GRIN2A: variants seen among roughly 807,000 people sequenced by gnomAD.
The protein encoded by GRIN2A is glutamate receptor ionotropic, NMDA 2A.
GRIN2A carries 22 observed loss-of-function variants against 113.4 expected under a neutral mutation model. That is an observed-to-expected ratio of 0.19 (90% confidence interval 0.14 to 0.28). GRIN2A has a LOEUF of 0.28. Among genes scored for constraint, GRIN2A ranks in the 10% least tolerant of loss-of-function variants. The pLI, the probability that GRIN2A is intolerant of heterozygous loss-of-function variation, is 1.00. For synonymous variants in GRIN2A, 827 were observed against 738.4 expected (o/e 1.12, Z -1.94); for missense variants, 1,502 against 1,887.0 (o/e 0.80, Z 3.78).
At chr16:9,886,581 C>A (rs2043590493) in intron 4 of GRIN2A, among the ~76,000 whole-genome samples, 1 of 152,180 alleles carries the variant, frequency 6.6e-6, no homozygotes, top group Non-Finnish European at 1.5e-5. Flanking sequence ...TCTCCATATA[C>A]ACACTAAGAT....
intron 2 of GRIN2A, among the ~76,000 whole-genome samples, chr16:10,044,136 C>A (rs913215763): frequency 2.0e-5 from 3 of 151,588 alleles, no homozygotes; most frequent in Non-Finnish European, 4.4e-5. Flanking sequence ...TCACTGCAAC[C>A]TCTGCCTCCC....
intron 2 of GRIN2A, among the ~76,000 whole-genome samples, chr16:10,067,453 G>C (rs1279613706): frequency 6.6e-6 from 1 of 152,214 alleles, no homozygotes; most frequent in Non-Finnish European, 1.5e-5. Flanking sequence ...TTTCTAGACA[G>C]CCTGTTAGCA....
At chr16:10,080,228 C>G (rs1233859905) in intron 2 of GRIN2A, among the ~76,000 whole-genome samples, 1 of 152,196 alleles carries the variant, frequency 6.6e-6, no homozygotes, top group Non-Finnish European at 1.5e-5. Context: ...GTGGTTCTCA[C>G]TCCCAAGGCA....
intron 4 of GRIN2A, among the ~76,000 whole-genome samples, chr16:9,882,435 A>G (rs1422424598): frequency 6.6e-6 from 1 of 152,040 alleles, no homozygotes; most frequent in Admixed American, 6.6e-5. Flanking sequence ...GACATAACAT[A>G]TGGGGTGCAT....
chr16:9,897,220 T>C (rs1158577382), intron 3 of GRIN2A, among the ~76,000 whole-genome samples: 4 of 81,384 alleles, frequency 4.9e-5, no homozygotes, highest in Non-Finnish European at 1.0e-4. Flanking sequence ...TTTATATATA[T>C]AAAAAAATAC....
At chr16:9,987,523 C>T (rs538041382) in intron 2 of GRIN2A, among the ~76,000 whole-genome samples, 15 of 152,248 alleles carry the variant, frequency 9.9e-5, no homozygotes, top group African/African-American at 3.6e-4. Flanking sequence ...AGAAAGCAAA[C>T]AAATACGCCA....
In GRIN2A at chr16:10,024,123, C is replaced by T. The variant is rs1450827836; in HGVS notation, c.415-85572G>A. 3.9e-5 allele frequency among the ~76,000 whole-genome samples: 6 copies of T among 152,194 alleles called. No individual in the cohort carries two copies. In the East Asian group the frequency reaches 9.6e-4, roughly 24 times the overall value. On this transcript the variant is annotated intron_variant, in intron 2 of 12. Transcript: ENST00000330684. ...CCCTAGGACACACAAGGGCTCAAATCGAGCCCATGAGGCTTCTATCAGCTA... is the reference window on the plus strand; with the variant it reads ...CCCTAGGACACACAAGGGCTCAAATTGAGCCCATGAGGCTTCTATCAGCTA...
At chr16:10,113,806 C>T (rs192601274) in intron 2 of GRIN2A, among the ~76,000 whole-genome samples, 1 of 152,262 alleles carries the variant, frequency 6.6e-6, no homozygotes, top group East Asian at 1.9e-4. Context: ...ATATGTGTGA[C>T]AGCGTTATTG....
intron 3 of GRIN2A, among the ~76,000 whole-genome samples, chr16:9,906,721 G>C (rs544352470): frequency 8.5e-5 from 13 of 152,342 alleles, no homozygotes; most frequent in African/African-American, 3.1e-4. Flanking sequence ...CCTGGATCTA[G>C]ACACGCAAGA....
chr16:10,166,563 C>T (rs1245894221), intron 2 of GRIN2A, among the ~76,000 whole-genome samples: 2 of 152,208 alleles, frequency 1.3e-5, no homozygotes, highest in East Asian at 3.8e-4. Flanking sequence ...AGCTGTCCCT[C>T]CTCTGCATTC....
At chr16:10,092,917 C>T (rs145355198) in intron 2 of GRIN2A, among the ~76,000 whole-genome samples, 12,648 of 150,328 alleles carry the variant, frequency 0.084, 689 homozygotes, top group Non-Finnish European at 0.13. Context: ...TGGCTCACTG[C>T]AGCCTCTGCC....
chr16:9,957,042 T>C (rs1398939938), intron 2 of GRIN2A, among the ~76,000 whole-genome samples: 1 of 152,186 alleles, frequency 6.6e-6, no homozygotes, highest in Non-Finnish European at 1.5e-5. Flanking sequence ...AGTTTCTATC[T>C]AATCCCTTTC....
At chr16:9,905,109 T>C (rs1475036635) in intron 3 of GRIN2A, among the ~76,000 whole-genome samples, 1 of 152,236 alleles carries the variant, frequency 6.6e-6, no homozygotes, top group Non-Finnish European at 1.5e-5. Context: ...TAAACATCCA[T>C]TGAACATCTA....
chr16:9,877,213 T>C (rs1439215751), intron 4 of GRIN2A, among the ~76,000 whole-genome samples: 3 of 152,188 alleles, frequency 2.0e-5, no homozygotes, highest in African/African-American at 7.2e-5. Flanking sequence ...ATTATGCGGC[T>C]AAAGTGAAAT....
intron 11 of GRIN2A, among the ~76,000 whole-genome samples, chr16:9,769,457 T>A (rs1391742471): frequency 2.1e-5 from 3 of 145,922 alleles, no homozygotes; most frequent in African/African-American, 5.0e-5. Flanking sequence ...TTGTCTTTTT[T>A]TTTTTTTTTT....
At chr16:9,848,721 A>C (rs2042823946) in intron 5 of GRIN2A, among the ~76,000 whole-genome samples, 1 of 69,246 alleles carries the variant, frequency 1.4e-5, no homozygotes, top group Non-Finnish European at 2.8e-5. Context: ...TAATATTTTA[A>C]ATATATAAAA....
intron 2 of GRIN2A, among the ~76,000 whole-genome samples, chr16:10,163,508 G>A (rs921754418): frequency 2.9e-4 from 44 of 152,042 alleles, no homozygotes; most frequent in African/African-American, 1.0e-3. Flanking sequence ...CTGATATCCT[G>A]GCTGGTGTGC....
chr16:9,877,180 T>A (rs1430339894), intron 4 of GRIN2A, among the ~76,000 whole-genome samples: 3 of 152,096 alleles, frequency 2.0e-5, no homozygotes, highest in African/African-American at 7.2e-5. Flanking sequence ...AAATATGAAA[T>A]CAGAGACTCA....
chr16:10,068,082 T>C (rs1330722177), intron 2 of GRIN2A, among the ~76,000 whole-genome samples: 1 of 152,226 alleles, frequency 6.6e-6, no homozygotes, highest in Non-Finnish European at 1.5e-5. Flanking sequence ...ATAGCAGCTG[T>C]TTCCATGAAT....
Sources: allele counts gnomAD v4.1 joint callset (sites outside exome capture counted in the v4.1 genomes callset), GRCh38; gene constraint gnomAD v4.1.1; transcripts MANE v1.5; gene names NCBI Gene and HGNC (gene_info 2026-07-23, HGNC 2026-07-21).